The following SLC16A7 variants were observed in gnomAD, a reference collection of about 807,000 sequenced individuals.
SLC16A7 encodes the protein monocarboxylate transporter 2.
Under a neutral mutation model 34.9 loss-of-function variants are expected in SLC16A7, and 33 were observed. The observed-to-expected ratio is 0.94, with a 90% CI of 0.72 to 1.26. The LOEUF (loss-of-function observed/expected upper bound fraction) is 1.26. SLC16A7 is among the 50% of genes most tolerant of loss of function. The pLI, the probability that SLC16A7 is intolerant of heterozygous loss-of-function variation, is 0.00. For synonymous variants in SLC16A7, 201 were observed against 206.6 expected (o/e 0.97, Z 0.23); for missense variants, 573 against 578.1 (o/e 0.99, Z 0.09).
Position 59,755,589 on chromosome 12 carries a change from G to A in SLC16A7, c.218-15630G>A, listed in dbSNP as rs1470015784. On this transcript the variant is annotated intron_variant, in intron 3 of 5. Transcript: ENST00000547379. Reference sequence around the variant, plus strand: ...TCTTCAAGGAGAACTACAAACCACTGCTCAATGAAATAAAAGAGGATACAA... The same window carrying A: ...TCTTCAAGGAGAACTACAAACCACTACTCAATGAAATAAAAGAGGATACAA... Among the ~76,000 whole-genome samples the A allele has an allele frequency of 3.3e-5, 5 of 152,068 alleles. No homozygotes were observed. In the South Asian group the frequency reaches 1.0e-3, roughly 31 times the overall value.
At chr12:59,664,326 C>T (rs1203260010) in intron 2 of SLC16A7, among the ~76,000 whole-genome samples, 1 of 152,078 alleles carries the variant, frequency 6.6e-6, no homozygotes, top group African/African-American at 2.4e-5. Flanking sequence ...TGATCTATCA[C>T]CAGATTCACC....
chr12:59,768,042 T>C (rs1881856204), intron 3 of SLC16A7: 1 of 398,236 alleles, frequency 2.5e-6, no homozygotes, highest in Non-Finnish European at 5.0e-6. Context: ...TGTATACATA[T>C]GTAACAAACC....
At chr12:59,705,076 A>G in intron 3 of SLC16A7, 58 bp downstream of exon 3, 1 of 1,182,222 alleles carries the variant, frequency 8.5e-7, no homozygotes, top group African/African-American at 1.5e-5. Context: ...TCCATGTCAC[A>G]ATGTTTTACA....
rs142269965 is a variant in SLC16A7, at chr12:59,687,089, C to G, written c.-30-17683C>G. Among the ~76,000 whole-genome samples, 209 of 151,658 alleles carry G rather than the reference C, an allele frequency of 1.4e-3. 1 individual carries two copies. The highest frequency in any genetic ancestry group is 6.8e-3 in the Middle Eastern group (2 of 294). On this transcript the variant is annotated intron_variant, in intron 2 of 5. Coordinates refer to ENST00000547379, the MANE Select transcript of SLC16A7 (RefSeq NM_001270623.2). ...AATTTAAGAAATATATTAATAAAAT[C>G]ATATAAACTAAAAAAAAATGCTAAA... is the stretch of plus-strand genomic sequence containing the variant.
chr12:59,631,875 A>C (rs1054951440), intron 1 of SLC16A7, among the ~76,000 whole-genome samples: 11 of 151,972 alleles, frequency 7.2e-5, no homozygotes, highest in African/African-American at 2.7e-4. Flanking sequence ...AGCATGGTTC[A>C]TGCCCATAAG....
At chr12:59,621,960 G>A (rs563308017) in intron 1 of SLC16A7, among the ~76,000 whole-genome samples, 20 of 151,614 alleles carry the variant, frequency 1.3e-4, no homozygotes, top group African/African-American at 2.4e-4. Flanking sequence ...CTCCAATCAC[G>A]CACACTTTTG....
Position 59,710,257 on chromosome 12 carries a change from A to C in SLC16A7, c.217+5239A>C, listed in dbSNP as rs1457079876. ...ACTGTGGGGTCACTGAGTAAGACAGAGCGTGTTCAGAGCATGTTCATTTTT... is the reference window on the plus strand; with the variant it reads ...ACTGTGGGGTCACTGAGTAAGACAGCGCGTGTTCAGAGCATGTTCATTTTT... On this transcript the variant is annotated intron_variant, in intron 3 of 5. Transcript: ENST00000547379. Among the ~76,000 whole-genome samples, 10 of 152,310 alleles carry C rather than the reference A, an allele frequency of 6.6e-5. No individual in the cohort carries two copies. In the South Asian group the frequency reaches 2.1e-3, roughly 32 times the overall value.
At chr12:59,778,047 T>TATCA (rs896308312) in intron 5 of SLC16A7, among the ~76,000 whole-genome samples, 2 of 152,066 alleles carry the variant, frequency 1.3e-5, no homozygotes, top group Non-Finnish European at 2.9e-5. Context: ...TAATCCAATC[T>TATCA]ATCATTGTTG....
rs549561189 is a variant in SLC16A7 at position 59,724,556 on chromosome 12, A to G, written c.217+19538A>G. ...CATGTATTTACTTGGAAGTAATACC[A>G]CAGATTAGCAAATTCAATTATAATT... is the stretch of plus-strand genomic sequence containing the variant. On this transcript the variant is annotated intron_variant, in intron 3 of 5. Coordinates refer to ENST00000547379, the MANE Select transcript of SLC16A7 (RefSeq NM_001270623.2). 6.9e-4 allele frequency among the ~76,000 whole-genome samples: 105 copies of G among 152,108 alleles called. 1 individual carries two copies. The highest frequency in any genetic ancestry group is 2.3e-3 in the African/African-American group (96 of 41,560).
chr12:59,694,695 C>T (rs1162632021), intron 2 of SLC16A7, among the ~76,000 whole-genome samples: 1 of 151,918 alleles, frequency 6.6e-6, no homozygotes, highest in African/African-American at 2.4e-5. Context: ...CTTCTAGTCA[C>T]CTGGAAACAA....
intron 1 of SLC16A7, among the ~76,000 whole-genome samples, chr12:59,627,469 T>G (rs1287640872): frequency 2.0e-5 from 3 of 151,330 alleles, no homozygotes; most frequent in African/African-American, 7.2e-5. Flanking sequence ...TTTTCCTGTC[T>G]GCTATTTGTT....
At chr12:59,635,555 A>G (rs1044224319) in intron 1 of SLC16A7, among the ~76,000 whole-genome samples, 6 of 152,086 alleles carry the variant, frequency 3.9e-5, no homozygotes, top group Non-Finnish European at 8.8e-5. Context: ...AAACAAATTC[A>G]TGAATTTTCC....
At chr12:59,686,588 C>G (rs922958425) in intron 2 of SLC16A7, among the ~76,000 whole-genome samples, 1 of 151,650 alleles carries the variant, frequency 6.6e-6, no homozygotes, top group African/African-American at 2.4e-5. Flanking sequence ...GTATAATACT[C>G]TTAAAAACAT....
intron 1 of SLC16A7, among the ~76,000 whole-genome samples, chr12:59,633,227 C>A (rs971067616): frequency 5.9e-5 from 9 of 151,940 alleles, no homozygotes; most frequent in Non-Finnish European, 1.0e-4. Context: ...AATATCAGTT[C>A]TACCCAACCC....
At chr12:59,763,297 A>G (rs968884319) in intron 3 of SLC16A7, among the ~76,000 whole-genome samples, 4 of 152,192 alleles carry the variant, frequency 2.6e-5, no homozygotes, top group Non-Finnish European at 4.4e-5. Context: ...ACTTGTTCAC[A>G]TAATAAAGTA....
At chr12:59,707,537 AT>A (rs1303688547) in intron 3 of SLC16A7, among the ~76,000 whole-genome samples, 2 of 151,958 alleles carry the variant, frequency 1.3e-5, no homozygotes, top group Non-Finnish European at 2.9e-5. Flanking sequence ...ATATGGTATA[AT>A]TTTTTAAAAG....
At chr12:59,671,785 G>GTA (rs1311219487) in intron 2 of SLC16A7, among the ~76,000 whole-genome samples, 1 of 139,740 alleles carries the variant, frequency 7.2e-6, no homozygotes, top group Non-Finnish European at 1.5e-5. Flanking sequence ...ATATATATGT[G>GTA]TATATGTATA....
At chr12:59,682,018 G>A (rs554489061) in intron 2 of SLC16A7, among the ~76,000 whole-genome samples, 1 of 152,128 alleles carries the variant, frequency 6.6e-6, no homozygotes, top group Non-Finnish European at 1.5e-5. Context: ...AAGGAACTGG[G>A]TTAAACTCAC....
At chr12:59,657,846 G>A (rs1013095302) in intron 2 of SLC16A7, among the ~76,000 whole-genome samples, 2 of 152,030 alleles carry the variant, frequency 1.3e-5, no homozygotes, top group Non-Finnish European at 2.9e-5. Flanking sequence ...TAGCATTATA[G>A]TTAGGCAGGG....
Sources: gnomAD v4.1 joint callset for allele counts (sites outside exome capture counted in the v4.1 genomes callset) on GRCh38, gnomAD v4.1.1 for gene constraint, MANE v1.5 for transcripts, NCBI Gene and HGNC (gene_info 2026-07-23, HGNC 2026-07-21) for gene names.